DGKI: variants seen among roughly 807,000 people sequenced by gnomAD.
The protein encoded by DGKI is DAG kinase iota.
A neutral mutation model predicts 147.5 loss-of-function variants in DGKI; 55 were observed. The observed-to-expected ratio is 0.37, with a 90% CI of 0.30 to 0.47. The LOEUF (loss-of-function observed/expected upper bound fraction) is 0.47, where lower values mean the gene tolerates loss of function less well. DGKI is among the 20% of genes least tolerant of loss of function. The pLI, the probability that DGKI is intolerant of heterozygous loss-of-function variation, is 1.00. For synonymous variants in DGKI, 469 were observed against 477.1 expected, an observed-to-expected ratio of 0.98 and a Z score of 0.22; for missense variants, 1,007 against 1,323.8, an observed-to-expected ratio of 0.76 and a Z score of 3.71.
chr7:137,531,423 G>A (rs1817334327), intron 20 of DGKI, among the ~76,000 whole-genome samples: 1 of 152,110 alleles, frequency 6.6e-6, no homozygotes, highest in Admixed American at 6.5e-5. Flanking sequence ...GCAATCAATG[G>A]TACTAAATGG....
intron 23 of DGKI, among the ~76,000 whole-genome samples, chr7:137,471,518 A>G (rs1814886668): frequency 6.6e-6 from 1 of 152,188 alleles, no homozygotes; most frequent in Non-Finnish European, 1.5e-5. Flanking sequence ...CAAAGTGTGC[A>G]TCAGCTAGAA....
At chr7:137,842,416 CT>C in intron 1 of DGKI, among the ~76,000 whole-genome samples, 1 of 152,294 alleles carries the variant, frequency 6.6e-6, no homozygotes, top group South Asian at 2.1e-4. Context: ...TTTAATACTC[CT>C]TGCTCCTATT....
chr7:137,818,745 C>T (rs1243593258), intron 1 of DGKI, among the ~76,000 whole-genome samples: 5 of 152,070 alleles, frequency 3.3e-5, no homozygotes, highest in African/African-American at 7.2e-5. Context: ...CCTGGCCCTC[C>T]CACCATTTTT....
At chr7:137,802,700 T>G (rs1188923596) in intron 1 of DGKI, among the ~76,000 whole-genome samples, 5 of 152,210 alleles carry the variant, frequency 3.3e-5, no homozygotes, top group Non-Finnish European at 1.5e-5. Flanking sequence ...TTCTTATTAG[T>G]GCCAAATTAT....
intron 6 of DGKI, among the ~76,000 whole-genome samples, chr7:137,634,247 G>A (rs1821234262): frequency 6.6e-6 from 1 of 152,086 alleles, no homozygotes; most frequent in Admixed American, 6.6e-5. Context: ...CTTAGAATGG[G>A]GCCCAGAGCA....
At chr7:137,735,556 T>C (rs1417091075) in intron 1 of DGKI, among the ~76,000 whole-genome samples, 1 of 152,074 alleles carries the variant, frequency 6.6e-6, no homozygotes, top group African/African-American at 2.4e-5. Flanking sequence ...TTTTCTTTTA[T>C]AAAATAAATT....
At chr7:137,615,060 T>G (rs1563112889) in intron 8 of DGKI, among the ~76,000 whole-genome samples, 1 of 152,098 alleles carries the variant, frequency 6.6e-6, no homozygotes, top group African/African-American at 2.4e-5. Context: ...CTGCTTCATA[T>G]TCACACTGTG....
intron 1 of DGKI, among the ~76,000 whole-genome samples, chr7:137,831,299 C>T (rs1798212727): frequency 6.6e-6 from 1 of 152,192 alleles, no homozygotes; most frequent in Admixed American, 6.5e-5. Context: ...AATAGAAAGA[C>T]TGATGATCTG....
chr7:137,457,422 CT>C (rs1254572677), intron 27 of DGKI, among the ~76,000 whole-genome samples: 4 of 152,148 alleles, frequency 2.6e-5, no homozygotes, highest in African/African-American at 9.7e-5. Context: ...CACAATTACC[CT>C]TTTTATTAGG....
intron 12 of DGKI, among the ~76,000 whole-genome samples, chr7:137,588,475 C>CTTCTTTTTT (rs1554437480): frequency 1.7e-5 from 2 of 116,722 alleles, no homozygotes; most frequent in African/African-American, 7.3e-5. Flanking sequence ...CATACCGATG[C>CTTCTTTTTT]TTTTTTTTTT....
intron 8 of DGKI, among the ~76,000 whole-genome samples, chr7:137,613,340 C>T (rs1237766883): frequency 6.6e-6 from 1 of 152,050 alleles, no homozygotes; most frequent in African/African-American, 2.4e-5. Flanking sequence ...TGCCAGGGAA[C>T]AAAGGCTGCT....
At chr7:137,836,792 T>G (rs1798396188) in intron 1 of DGKI, among the ~76,000 whole-genome samples, 1 of 152,216 alleles carries the variant, frequency 6.6e-6, no homozygotes, top group Admixed American at 6.5e-5. Flanking sequence ...ACATGATTAT[T>G]CACAGAGCTA....
intron 23 of DGKI, among the ~76,000 whole-genome samples, chr7:137,472,292 G>A (rs1398311321): frequency 0.15 from 265 of 1,784 alleles, 12 homozygotes; most frequent in African/African-American, 0.21. Context: ...TTATATGTAT[G>A]TGTATATTTA....
intron 12 of DGKI, 93 bp downstream of exon 12, chr7:137,597,754 G>A: frequency 8.3e-7 from 1 of 1,205,160 alleles, no homozygotes; most frequent in Non-Finnish European, 1.2e-6. Context: ...TAGGGGATTA[G>A]AAAGACTGAG....
Position 137,388,855 on chromosome 7 carries a change from G to C in DGKI, c.*2365C>G, listed in dbSNP as rs1318840363. 1 of 150,682 alleles carries C rather than the reference G, an allele frequency of 6.6e-6. No individual in the cohort carries two copies. The highest frequency in any genetic ancestry group is 1.5e-5 in the Non-Finnish European group (1 of 67,848). The allele number at this position is 150,682 out of a possible 1,614,324, so 9.3% of individuals were successfully genotyped here. A position where few individuals can be genotyped will look rare whatever the true frequency, so the allele number is the denominator to read the frequency against. On this transcript the variant is annotated 3_prime_UTR_variant, in exon 33 of 33. Transcript: ENST00000614521. ...TTCCAAATGCATCAGGAATCTTACA[G>C]TACCAACTCATCATTTTTCATAACA...
At chr7:137,536,376 C>A (rs1817520894) in intron 20 of DGKI, among the ~76,000 whole-genome samples, 1 of 152,060 alleles carries the variant, frequency 6.6e-6, no homozygotes, top group African/African-American at 2.4e-5. Context: ...TATTATGTCT[C>A]TGACTAAATG....
intron 5 of DGKI, among the ~76,000 whole-genome samples, chr7:137,650,252 C>A (rs1390666074): frequency 6.6e-6 from 1 of 152,126 alleles, no homozygotes; most frequent in East Asian, 1.9e-4. Context: ...GTGACATACT[C>A]TGTGTTTTGG....
intron 1 of DGKI, among the ~76,000 whole-genome samples, chr7:137,823,250 T>C (rs1797957022): frequency 6.6e-6 from 1 of 152,208 alleles, no homozygotes. Flanking sequence ...TGTAAAGTTA[T>C]TGAGAATTAG....
chr7:137,660,541 C>CTGG (rs1563137233), intron 3 of DGKI, among the ~76,000 whole-genome samples: 1 of 152,148 alleles, frequency 6.6e-6, no homozygotes, highest in African/African-American at 2.4e-5. Flanking sequence ...ACCACTGGAG[C>CTGG]AGGGAATGGG....
Sources: allele counts gnomAD v4.1 joint callset (sites outside exome capture counted in the v4.1 genomes callset), GRCh38; gene constraint gnomAD v4.1.1; transcripts MANE v1.5; gene names NCBI Gene and HGNC (gene_info 2026-07-23, HGNC 2026-07-21).